UGT1A10: variants seen among roughly 807,000 people sequenced by gnomAD.
UGT1A10 encodes the protein UDP-glucuronosyltransferase 1A10.
In UGT1A10, 49 loss-of-function variants were observed where a neutral mutation model predicts 45.8. The observed-to-expected ratio is 1.07, with a 90% CI of 0.85 to 1.36. The LOEUF (loss-of-function observed/expected upper bound fraction) is 1.36. UGT1A10 is among the 40% of genes most tolerant of loss of function. The pLI is 0.00. For missense variants in UGT1A10, 745 were observed against 668.6 expected, an observed-to-expected ratio of 1.11 and a Z score of -1.26; for synonymous variants, 284 against 249.7, an observed-to-expected ratio of 1.14 and a Z score of -1.29.
chr2:233,698,318 G>A (rs2075436296), intron 1 of UGT1A10, among the ~76,000 whole-genome samples: 1 of 152,208 alleles, frequency 6.6e-6, no homozygotes, highest in Non-Finnish European at 1.5e-5. Flanking sequence ...GGAAATGTCT[G>A]GAACCAGATA....
intron 1 of UGT1A10, among the ~76,000 whole-genome samples, chr2:233,704,138 G>A (rs778432243): frequency 2.6e-5 from 4 of 151,942 alleles, no homozygotes; most frequent in African/African-American, 4.8e-5. Flanking sequence ...TGATCCACCC[G>A]CCTCAGCCTT....
intron 1 of UGT1A10, among the ~76,000 whole-genome samples, chr2:233,706,330 G>C (rs184912416): frequency 6.6e-6 from 1 of 152,326 alleles, no homozygotes; most frequent in African/African-American, 2.4e-5. Context: ...AACTATTCAA[G>C]CTGGTGACCC....
At chr2:233,757,676 T>G (rs986940319) in intron 1 of UGT1A10, among the ~76,000 whole-genome samples, 1 of 151,088 alleles carries the variant, frequency 6.6e-6, no homozygotes, top group African/African-American at 2.4e-5. Flanking sequence ...ATTCAAGGAA[T>G]TCAAGGGATT....
At chr2:233,715,853 C>T (rs2076473292) in intron 1 of UGT1A10, among the ~76,000 whole-genome samples, 1 of 152,126 alleles carries the variant, frequency 6.6e-6, no homozygotes, top group Admixed American at 6.5e-5. Context: ...ATATGAAAAG[C>T]TGGGTGCAGT....
intron 1 of UGT1A10, among the ~76,000 whole-genome samples, chr2:233,707,521 GTTTTTC>G (rs2075966765): frequency 7.5e-6 from 1 of 134,020 alleles, no homozygotes; most frequent in Non-Finnish European, 1.6e-5. Context: ...GAATTTTACT[GTTTTTC>G]TTTGTCTTGC....
chr2:233,741,996 A>ATACACT (rs904144807), intron 1 of UGT1A10: 1 of 151,922 alleles, frequency 6.6e-6, no homozygotes, highest in African/African-American at 2.4e-5. Flanking sequence ...AATATTACAG[A>ATACACT]TACACTTGGC....
At position 233,665,929 on chromosome 2, in the gene UGT1A10, T is replaced by C. The variant is rs367596910; in HGVS notation, c.855+28552T>C. On this transcript the variant is annotated intron_variant, in intron 1 of 4. Coordinates refer to ENST00000344644, the MANE Select transcript of UGT1A10 (RefSeq NM_019075.4). ...TGCATATGAGAGGTCCAGCTGTTCA[T>C]ACTCACCAACACTGGATGTCTTAGT... Among the ~76,000 whole-genome samples, 6 of 152,314 alleles carry C rather than the reference T, an allele frequency of 3.9e-5. No individual in the cohort carries two copies. The East Asian group carries it at 5.8e-4, about 15-fold the overall frequency.
intron 1 of UGT1A10, chr2:233,752,621 T>G (rs1428833052): frequency 6.6e-6 from 1 of 152,162 alleles, no homozygotes; most frequent in African/African-American, 2.4e-5. Flanking sequence ...TAGCTAGGTG[T>G]GGTAGCTGTT....
chr2:233,732,212 T>G (rs2078250632), intron 1 of UGT1A10, among the ~76,000 whole-genome samples: 1 of 152,238 alleles, frequency 6.6e-6, no homozygotes. Flanking sequence ...ATGGGTAGAT[T>G]GCAAAAATTT....
intron 1 of UGT1A10, chr2:233,712,959 G>A (rs372681148): frequency 6.2e-7 from 1 of 1,612,876 alleles, no homozygotes; most frequent in South Asian, 1.1e-5. Context: ...ACAACGTGGG[G>A]TGGACAGTCA....
At chr2:233,759,276 T>C (rs943055975) in intron 1 of UGT1A10, among the ~76,000 whole-genome samples, 1 of 152,134 alleles carries the variant, frequency 6.6e-6, no homozygotes, top group African/African-American at 2.4e-5. Context: ...TGCATTCTGA[T>C]TGGTTGATGA....
At chr2:233,672,591 A>C in intron 1 of UGT1A10, 1 of 1,613,922 alleles carries the variant, frequency 6.2e-7, no homozygotes, top group Non-Finnish European at 8.5e-7. Flanking sequence ...AACATTTATT[A>C]TGCCACCGTT....
intron 1 of UGT1A10, among the ~76,000 whole-genome samples, chr2:233,680,116 C>T (rs2074475721): frequency 6.6e-6 from 1 of 152,092 alleles, no homozygotes; most frequent in Admixed American, 6.6e-5. Flanking sequence ...AGAGCTCAAT[C>T]TACGGTACCT....
chr2:233,660,080 G>T (rs1250853298), intron 1 of UGT1A10, among the ~76,000 whole-genome samples: 1 of 152,102 alleles, frequency 6.6e-6, no homozygotes, highest in Non-Finnish European at 1.5e-5. Flanking sequence ...TCCCTTGATT[G>T]GCTCTGTTTT....
At chr2:233,709,129 A>C (rs2076058664) in intron 1 of UGT1A10, among the ~76,000 whole-genome samples, 1 of 152,130 alleles carries the variant, frequency 6.6e-6, no homozygotes, top group South Asian at 2.1e-4. Flanking sequence ...ATGGTGGCCA[A>C]GGGGATGAGA....
intron 1 of UGT1A10, among the ~76,000 whole-genome samples, chr2:233,650,092 T>A (rs958289025): frequency 6.6e-6 from 1 of 152,134 alleles, no homozygotes; most frequent in Non-Finnish European, 1.5e-5. Flanking sequence ...TGCCTCAGCC[T>A]CCTGAGTAGC....
At chr2:233,761,602 T>C (rs529551747) in intron 1 of UGT1A10, among the ~76,000 whole-genome samples, 4 of 152,366 alleles carry the variant, frequency 2.6e-5, no homozygotes, top group African/African-American at 9.6e-5. Flanking sequence ...AGCTCCAGTT[T>C]CTAAATATTC....
At chr2:233,719,565 G>T in intron 1 of UGT1A10, 1 of 1,613,918 alleles carries the variant, frequency 6.2e-7, no homozygotes, top group South Asian at 1.1e-5. Context: ...GGTGGATCTT[G>T]TCAGCTATGC....
rs144721642 is a variant in UGT1A10, at chr2:233,760,960, G to A, written c.856-6074G>A. 13 of 1,614,166 alleles carry A rather than the reference G, an allele frequency of 8.1e-6. No homozygotes were observed. Among genetic ancestry groups the A allele is most frequent in the African/African-American group, 5.3e-5 (4 of 75,032 alleles). On this transcript the variant is annotated intron_variant, in intron 1 of 4. Coordinates refer to ENST00000344644, the MANE Select transcript of UGT1A10 (RefSeq NM_019075.4). The stretch of plus-strand genomic sequence containing the variant: ...CTTTTCACAGAACTTTCTGTGCGAC[G>A]TGGTTTATTCCCCGTATGCAACCCT...
Sources: allele counts gnomAD v4.1 joint callset (sites outside exome capture counted in the v4.1 genomes callset), GRCh38; gene constraint gnomAD v4.1.1; transcripts MANE v1.5; gene names NCBI Gene and HGNC (gene_info 2026-07-23, HGNC 2026-07-21).